The following PRKCA variants were observed in gnomAD, a reference collection of about 807,000 sequenced individuals.
PRKCA encodes protein kinase C alpha type.
Under a neutral mutation model 87.0 loss-of-function variants are expected in PRKCA, and 27 were observed. The observed-to-expected ratio is 0.31, with a 90% CI of 0.23 to 0.43. The LOEUF (loss-of-function observed/expected upper bound fraction) is 0.43. Among genes scored for constraint, PRKCA ranks in the 20% least tolerant of loss-of-function variants. The pLI, the probability that PRKCA is intolerant of heterozygous loss-of-function variation, is 1.00. For missense variants in PRKCA, 518 were observed against 852.3 expected, an observed-to-expected ratio of 0.61 and a Z score of 4.88; for synonymous variants, 329 against 311.1, an observed-to-expected ratio of 1.06 and a Z score of -0.61.
At chr17:66,366,879 A>G (rs772216991) in intron 2 of PRKCA, among the ~76,000 whole-genome samples, 2 of 152,238 alleles carry the variant, frequency 1.3e-5, no homozygotes, top group African/African-American at 2.4e-5. Context: ...AAAGCACTTC[A>G]TAGTGAGCAA....
At chr17:66,647,674 C>G (rs1251509887) in intron 5 of PRKCA, among the ~76,000 whole-genome samples, 1 of 152,188 alleles carries the variant, frequency 6.6e-6, no homozygotes, top group African/African-American at 2.4e-5. Flanking sequence ...AGACAAAGGT[C>G]AGGCCTTATC....
At chr17:66,490,825 C>G (rs1489920513) in intron 2 of PRKCA, among the ~76,000 whole-genome samples, 1 of 152,234 alleles carries the variant, frequency 6.6e-6, no homozygotes, top group Non-Finnish European at 1.5e-5. Context: ...AAGTGATCTG[C>G]CCACCTCAGA....
chr17:66,733,125 T>C (rs1320653734), intron 9 of PRKCA, among the ~76,000 whole-genome samples: 1 of 133,334 alleles, frequency 7.5e-6, no homozygotes, highest in Non-Finnish European at 1.5e-5. Context: ...CACTCCAGCC[T>C]GGGAGACAGT....
intron 2 of PRKCA, among the ~76,000 whole-genome samples, chr17:66,407,184 G>A (rs1911463741): frequency 6.6e-6 from 1 of 151,726 alleles, no homozygotes; most frequent in South Asian, 2.1e-4. Flanking sequence ...TCTTAAAAAG[G>A]TTTGGATCTG....
intron 8 of PRKCA, among the ~76,000 whole-genome samples, chr17:66,692,876 C>T (rs572686427): frequency 5.1e-4 from 78 of 152,242 alleles, no homozygotes; most frequent in Non-Finnish European, 6.3e-4. Context: ...GAAACACACA[C>T]GAGGGTTCGT....
At chr17:66,602,804 A>G (rs1194278929) in intron 3 of PRKCA, among the ~76,000 whole-genome samples, 3 of 152,092 alleles carry the variant, frequency 2.0e-5, no homozygotes, top group South Asian at 2.1e-4. Flanking sequence ...AGAACCTCCA[A>G]CCTGGCCTGT....
chr17:66,574,988 G>A (rs527592369), intron 3 of PRKCA, among the ~76,000 whole-genome samples: 1 of 152,148 alleles, frequency 6.6e-6, no homozygotes, highest in East Asian at 1.9e-4. Context: ...TTCACTTATC[G>A]GGAATTTTCA....
rs186748315 is a variant in PRKCA at position 66,792,631 on chromosome 17, G to A, written c.1854+3652G>A. 2.4e-4 allele frequency among the ~76,000 whole-genome samples: 37 copies of A among 152,362 alleles called. No individual in the cohort carries two copies. Among genetic ancestry groups the A allele is most frequent in the Admixed American group, 3.9e-4 (6 of 15,312 alleles). On this transcript the variant is annotated intron_variant, in intron 16 of 16. Transcript: ENST00000413366. The surrounding 1 kb of genome is among the most constrained non-coding windows in gnomAD (Gnocchi z 4.5). ...CCGTGATCCATCAGGAGGTTAGCACGGGACTTTCCATCTCACGGCGACATT... is the reference window on the plus strand; with the variant it reads ...CCGTGATCCATCAGGAGGTTAGCACAGGACTTTCCATCTCACGGCGACATT...
intron 8 of PRKCA, among the ~76,000 whole-genome samples, chr17:66,731,657 T>A (rs1973897370): frequency 6.6e-6 from 1 of 152,070 alleles, no homozygotes; most frequent in African/African-American, 2.4e-5. Context: ...TCTGAGGCCC[T>A]GGTGAGAGTC....
intron 5 of PRKCA, among the ~76,000 whole-genome samples, chr17:66,683,624 G>C (rs9902356): frequency 0.12 from 18,007 of 152,078 alleles, 1,118 homozygotes; most frequent in African/African-American, 0.15. Context: ...CGGGGGGATA[G>C]AGTCTCACTG....
intron 8 of PRKCA, among the ~76,000 whole-genome samples, chr17:66,693,911 C>T (rs191165117): frequency 9.3e-4 from 141 of 152,238 alleles, no homozygotes; most frequent in Non-Finnish European, 1.2e-3. Flanking sequence ...TGGTTTAGCC[C>T]GTAGGCTCTA....
intron 3 of PRKCA, among the ~76,000 whole-genome samples, chr17:66,517,881 T>A (rs1967020084): frequency 1.3e-5 from 2 of 152,198 alleles, no homozygotes; most frequent in African/African-American, 4.8e-5. Flanking sequence ...TCTGTGTCTG[T>A]GTTGATGACC....
chr17:66,413,628 C>G (rs1478930956), intron 2 of PRKCA, among the ~76,000 whole-genome samples: 1 of 152,114 alleles, frequency 6.6e-6, no homozygotes, highest in African/African-American at 2.4e-5. Context: ...CCAACAGATT[C>G]CAAAAGATTT....
At chr17:66,558,506 G>A (rs982464043) in intron 3 of PRKCA, among the ~76,000 whole-genome samples, 18 of 152,146 alleles carry the variant, frequency 1.2e-4, no homozygotes, top group Non-Finnish European at 1.6e-4. Context: ...TAGAGCACCC[G>A]GGGCAAAGGG....
intron 3 of PRKCA, among the ~76,000 whole-genome samples, chr17:66,609,722 T>G (rs371825075): frequency 6.6e-6 from 1 of 151,878 alleles, no homozygotes; most frequent in African/African-American, 2.4e-5. Flanking sequence ...AAATACCACC[T>G]AATTGAGACT....
intron 3 of PRKCA, among the ~76,000 whole-genome samples, chr17:66,560,970 T>C (rs1471533240): frequency 6.6e-6 from 1 of 152,198 alleles, no homozygotes; most frequent in African/African-American, 2.4e-5. Context: ...GCTCATTTCC[T>C]GTCTCCCAGT....
intron 8 of PRKCA, among the ~76,000 whole-genome samples, chr17:66,725,443 A>G (rs1162067617): frequency 6.6e-6 from 1 of 152,126 alleles, no homozygotes; most frequent in Non-Finnish European, 1.5e-5. Flanking sequence ...TGGTCTCAAG[A>G]TACAAACTTG....
At chr17:66,442,679 CA>C (rs1316805342) in intron 2 of PRKCA, among the ~76,000 whole-genome samples, 21 of 152,292 alleles carry the variant, frequency 1.4e-4, no homozygotes, top group Admixed American at 3.9e-4. Context: ...TTATTTAATT[CA>C]TGTTCACCTC....
chr17:66,425,081 G>C (rs146207215), intron 2 of PRKCA, among the ~76,000 whole-genome samples: 6 of 152,204 alleles, frequency 3.9e-5, no homozygotes, highest in African/African-American at 1.2e-4. Flanking sequence ...TTGCTATATA[G>C]AAGAGTCTAG....
Sources: gnomAD v4.1 joint callset for allele counts (sites outside exome capture counted in the v4.1 genomes callset) on GRCh38, gnomAD v4.1.1 for gene constraint, Gnocchi (gnomAD v3.1) non-coding constraint, MANE v1.5 for transcripts, NCBI Gene and HGNC (gene_info 2026-07-23, HGNC 2026-07-21) for gene names.